BCAR3: variants seen among roughly 807,000 people sequenced by gnomAD.
The protein encoded by BCAR3 is breast cancer anti-estrogen resistance protein 3.
BCAR3 carries 37 observed loss-of-function variants against 80.1 expected under a neutral mutation model. The observed-to-expected ratio is 0.46, with a 90% CI of 0.36 to 0.61. The LOEUF (loss-of-function observed/expected upper bound fraction) is 0.61, where lower values mean the gene tolerates loss of function less well. BCAR3 is among the 20% of genes least tolerant of loss of function. The pLI, the probability that BCAR3 is intolerant of heterozygous loss-of-function variation, is 0.00. For missense variants in BCAR3, 978 were observed against 1,068.2 expected (o/e 0.92, Z 1.18); for synonymous variants, 389 against 418.9 (o/e 0.93, Z 0.87).
At chr1:93,745,515 CCCCA>C (rs1651323673) in intron 2 of BCAR3, among the ~76,000 whole-genome samples, 1 of 148,698 alleles carries the variant, frequency 6.7e-6, no homozygotes, top group Non-Finnish European at 1.5e-5. Context: ...TTCTCCTACC[CCCCA>C]CCATTTTTCT....
chr1:93,759,552 T>C (rs1202355057), intron 2 of BCAR3, among the ~76,000 whole-genome samples: 1 of 152,114 alleles, frequency 6.6e-6, no homozygotes, highest in Non-Finnish European at 1.5e-5. Flanking sequence ...GCTTTTTAAG[T>C]TTCCTGTTTT....
chr1:93,592,072 T>C lies in BCAR3; in HGVS notation c.486+193A>G. 1.4e-6 allele frequency: 1 copy of C among 709,352 alleles called. No individual in the cohort carries two copies. Among genetic ancestry groups the C allele is most frequent in the Non-Finnish European group, 2.2e-6 (1 of 455,584 alleles). The allele number at this position is 709,352 out of a possible 1,614,324, so 43.9% of individuals were successfully genotyped here. A position where few individuals can be genotyped will look rare whatever the true frequency, so the allele number is the denominator to read the frequency against. Reference sequence around the variant, plus strand: ...CTTCCTGAACATGTGGATGTGTGCTTTGGGTTCTTGACCTCAGCTCTTCCC... The same window carrying C: ...CTTCCTGAACATGTGGATGTGTGCTCTGGGTTCTTGACCTCAGCTCTTCCC... On this transcript the variant is annotated intron_variant, in intron 4 of 11. Coordinates refer to ENST00000260502, the MANE Select transcript of BCAR3 (RefSeq NM_003567.4). This position sits in a 1 kb window ranked among gnomAD's most constrained non-coding sequence, Gnocchi z 4.8.
intron 1 of BCAR3, among the ~76,000 whole-genome samples, chr1:93,677,075 G>A (rs965402536): frequency 1.4e-4 from 21 of 152,246 alleles, no homozygotes; most frequent in Middle Eastern, 3.4e-3. Context: ...TTTCATACAA[G>A]ACACCTGGAG....
At position 93,576,078 on chromosome 1, in the gene BCAR3, T is replaced by C; in HGVS notation, c.1738A>G (p.Ser580Gly). 1 of 1,614,162 alleles carries C rather than the reference T, an allele frequency of 6.2e-7. No homozygotes were observed. The highest frequency in any genetic ancestry group is 8.5e-7 in the Non-Finnish European group (1 of 1,180,030). ...SEEMRRNMGV[S>G]SGLELITLPH... ...AAGGTAATGAGTTCCAGGCCTGAGC[T>C]CACCCCCATGTTCCTCCTCATCTCT... The change falls in exon 8 of 12, where the codon AGC becomes GGC. Residue 580 changes from serine (S) to glycine (G), a missense_variant. Transcript: ENST00000260502.
chr1:93,777,563 G>A (rs748378341), intron 2 of BCAR3, among the ~76,000 whole-genome samples: 5 of 150,366 alleles, frequency 3.3e-5, no homozygotes, highest in East Asian at 2.0e-4. Flanking sequence ...CCTCCTCCAC[G>A]GGCATGCACC....
intron 2 of BCAR3, among the ~76,000 whole-genome samples, chr1:93,784,539 G>A (rs1652876680): frequency 6.6e-6 from 1 of 152,172 alleles, no homozygotes. Context: ...AGCCAAAGGG[G>A]AAGAAAGTGT....
Position 93,629,170 on chromosome 1 carries a change from C to T in BCAR3, c.357+13134G>A, listed in dbSNP as rs236315. 8.3e-3 allele frequency among the ~76,000 whole-genome samples: 1,260 copies of T among 152,320 alleles called. 19 individuals are homozygous for T. Among genetic ancestry groups the T allele is most frequent in the African/African-American group, 0.028 (1,172 of 41,572 alleles). On this transcript the variant is annotated intron_variant, in intron 3 of 11. Coordinates refer to ENST00000260502, the MANE Select transcript of BCAR3 (RefSeq NM_003567.4). ...TCTTCTCGGAATCTCTTTTCCCATT[C>T]AAGCAACATGGAGCACCTACTGCTT...
chr1:93,808,640 T>C (rs1368660498), intron 2 of BCAR3, among the ~76,000 whole-genome samples: 1 of 152,014 alleles, frequency 6.6e-6, no homozygotes, highest in Non-Finnish European at 1.5e-5. Context: ...AGAAGGAAGA[T>C]AGAGAACTAC....
At chr1:93,589,451 A>G in intron 4 of BCAR3, 32 bp from the exon 5 acceptor site, 1 of 1,567,064 alleles carries the variant, frequency 6.4e-7, no homozygotes, top group South Asian at 1.1e-5. Flanking sequence ...GAGGAGTAGG[A>G]AAGGCAAATT....
chr1:93,647,113 T>C (rs1317978248), intron 2 of BCAR3, among the ~76,000 whole-genome samples: 4 of 152,210 alleles, frequency 2.6e-5, no homozygotes, highest in East Asian at 3.8e-4. Flanking sequence ...CATAGAGTTA[T>C]GTCTAAAACA....
intron 8 of BCAR3, among the ~76,000 whole-genome samples, chr1:93,573,615 A>ATTTGTTTTTTTTTTTTTTT (rs919862286): frequency 1.5e-5 from 2 of 129,800 alleles, no homozygotes; most frequent in African/African-American, 3.0e-5. Flanking sequence ...TATTTTTATT[A>ATTTGTTTTTTTTTTTTTTT]TTATTATTAT....
intron 7 of BCAR3, among the ~76,000 whole-genome samples, chr1:93,576,392 A>C (rs543312114): frequency 3.9e-4 from 59 of 152,342 alleles, no homozygotes; most frequent in African/African-American, 1.3e-3. Context: ...AGATTTGTTA[A>C]GTGTTTCTGC....
At chr1:93,749,943 A>G (rs1002488716) in intron 2 of BCAR3, among the ~76,000 whole-genome samples, 4 of 150,218 alleles carry the variant, frequency 2.7e-5, no homozygotes, top group Admixed American at 2.7e-4. Context: ...CAGCTTAAAG[A>G]TATATGATAA....
intron 2 of BCAR3, among the ~76,000 whole-genome samples, chr1:93,748,984 T>A (rs1205501585): frequency 6.6e-6 from 1 of 152,210 alleles, no homozygotes; most frequent in Non-Finnish European, 1.5e-5. Context: ...CACCATAATG[T>A]GCCAGTTTAG....
At chr1:93,678,763 T>C (rs1648613214) in intron 1 of BCAR3, among the ~76,000 whole-genome samples, 1 of 151,936 alleles carries the variant, frequency 6.6e-6, no homozygotes. Flanking sequence ...AAGGTAACAA[T>C]GACATGAGAC....
At position 93,582,716 on chromosome 1, in the gene BCAR3, T is replaced by G. The variant is rs140209686; in HGVS notation, c.1271A>C (p.Asn424Thr). The G allele has an allele frequency of 9.3e-6, 15 of 1,613,898 alleles. No individual in the cohort carries two copies. In the East Asian group the frequency reaches 3.1e-4, roughly 34 times the overall value. Residue 424 changes from asparagine (N) to threonine (T), a missense_variant, in exon 7 of 12, where the codon AAC (asparagine) becomes ACC (threonine). Physicochemically the swap from Asn to Thr is moderately conservative, Grantham distance 65 (BLOSUM62 0). Transcript: ENST00000260502. ...CAGTTCACAGTAGTTGGCCTCTGAGTTGAGCCAGGCAGAGGGAGACGAGGG... is the reference window on the plus strand; with the variant it reads ...CAGTTCACAGTAGTTGGCCTCTGAGGTGAGCCAGGCAGAGGGAGACGAGGG... Reference protein sequence around the residue: ...KVPSSPSAWLNSEANYCELNP... With the variant: ...KVPSSPSAWLTSEANYCELNP...
chr1:93,643,409 A>G (rs113223186), intron 2 of BCAR3, among the ~76,000 whole-genome samples: 186 of 147,648 alleles, frequency 1.3e-3, no homozygotes, highest in African/African-American at 4.2e-3. Flanking sequence ...AGCTGGGCGT[A>G]GTGGTGAGTG....
intron 3 of BCAR3, chr1:93,599,409 C>G (rs1464198022): frequency 2.0e-5 from 3 of 152,216 alleles, no homozygotes. Context: ...GAGTGGAATC[C>G]CTGTCACTTG....
intron 3 of BCAR3, among the ~76,000 whole-genome samples, chr1:93,598,209 A>G (rs1674500153): frequency 6.6e-6 from 1 of 152,064 alleles, no homozygotes; most frequent in Non-Finnish European, 1.5e-5. Context: ...CAGGCACAAC[A>G]ATGGACCCTG....
Sources: gnomAD v4.1 joint callset for allele counts (sites outside exome capture counted in the v4.1 genomes callset) on GRCh38, gnomAD v4.1.1 for gene constraint, Gnocchi (gnomAD v3.1) non-coding constraint, MANE v1.5 for transcripts, NCBI Gene and HGNC (gene_info 2026-07-23, HGNC 2026-07-21) for gene names.